Variants in LARGE1 observed in about 807,000 individuals in gnomAD.
LARGE1 encodes the protein xylosyl- and glucuronyltransferase LARGE1.
A neutral mutation model predicts 87.6 loss-of-function variants in LARGE1; 43 were observed. That is an observed-to-expected ratio of 0.49 (90% CI 0.38 to 0.63). LARGE1 has a LOEUF of 0.63. Ranked by LOEUF, LARGE1 falls within the 30% of genes least tolerant of loss-of-function variation. The pLI, the probability that LARGE1 is intolerant of heterozygous loss-of-function variation, is 0.00. For synonymous variants in LARGE1, 434 were observed against 394.6 expected, an observed-to-expected ratio of 1.10 and a Z score of -1.18; for missense variants, 802 against 1,000.2, an observed-to-expected ratio of 0.80 and a Z score of 2.67.
At chr22:33,338,917 G>A (rs2146589307) in intron 9 of LARGE1, among the ~76,000 whole-genome samples, 1 of 152,286 alleles carries the variant, frequency 6.6e-6, no homozygotes, top group African/African-American at 2.4e-5. Context: ...GGAGGCTGAG[G>A]TGGGCAGATC....
the LARGE1 span, among the ~76,000 whole-genome samples, chr22:33,102,889 T>A: frequency 6.6e-6 from 1 of 152,098 alleles, no homozygotes; most frequent in Non-Finnish European, 1.5e-5. Context: ...TGTGTCTGGG[T>A]GGAAATCTGC....
intron 1 of LARGE1, among the ~76,000 whole-genome samples, chr22:33,818,540 A>G (rs1373608550): frequency 6.6e-6 from 1 of 152,146 alleles, no homozygotes. Flanking sequence ...CCCTGAGAAG[A>G]GCCCTAGAAA....
intron 11 of LARGE1, among the ~76,000 whole-genome samples, chr22:33,230,755 G>C (rs1389948900): frequency 6.6e-6 from 1 of 152,150 alleles, no homozygotes; most frequent in East Asian, 1.9e-4. Context: ...ATCTCAAAGA[G>C]CTTATAAATA....
chr22:33,100,271 C>G, the LARGE1 span, among the ~76,000 whole-genome samples: 1 of 149,336 alleles, frequency 6.7e-6, no homozygotes, highest in South Asian at 2.1e-4. Flanking sequence ...TCGCTTGAAC[C>G]CAGGAGGCAG....
At chr22:33,657,712 G>T (rs151225625) in intron 2 of LARGE1, among the ~76,000 whole-genome samples, 2 of 152,154 alleles carry the variant, frequency 1.3e-5, no homozygotes, top group Non-Finnish European at 2.9e-5. Context: ...CAGCTCACTC[G>T]CAGGTGCCAC....
intron 6 of LARGE1, among the ~76,000 whole-genome samples, chr22:33,435,780 G>T (rs1231341757): frequency 6.6e-6 from 1 of 152,112 alleles, no homozygotes; most frequent in Non-Finnish European, 1.5e-5. Flanking sequence ...TTGTACCTGG[G>T]CTGCATTGCT....
chr22:33,558,184 T>G (rs548740588), intron 6 of LARGE1, among the ~76,000 whole-genome samples: 2 of 152,324 alleles, frequency 1.3e-5, no homozygotes, highest in African/African-American at 4.8e-5. Context: ...GGGGGCACAC[T>G]GGGCCAGCCA....
intron 1 of LARGE1, among the ~76,000 whole-genome samples, chr22:33,839,940 C>T (rs2063227103): frequency 6.6e-6 from 1 of 152,132 alleles, no homozygotes; most frequent in Admixed American, 6.5e-5. Flanking sequence ...CAGATGCATT[C>T]AACCCTAAAG....
chr22:33,155,597 C>T, the LARGE1 span, among the ~76,000 whole-genome samples: 21 of 152,146 alleles, frequency 1.4e-4, no homozygotes, highest in East Asian at 2.9e-3. Context: ...AAAGGCATTC[C>T]GTTTTAAAAG....
At chr22:33,130,699 C>T in the LARGE1 span, among the ~76,000 whole-genome samples, 5 of 152,212 alleles carry the variant, frequency 3.3e-5, no homozygotes, top group Non-Finnish European at 5.9e-5. Flanking sequence ...TTGAACTATT[C>T]ACCTCAACAC....
chr22:33,111,447 C>G, the LARGE1 span, among the ~76,000 whole-genome samples: 1 of 152,144 alleles, frequency 6.6e-6, no homozygotes, highest in Admixed American at 6.6e-5. Flanking sequence ...GGAAAAGACC[C>G]TAATTTGGAA....
intron 1 of LARGE1, among the ~76,000 whole-genome samples, chr22:33,915,456 G>C (rs2065759560): frequency 6.6e-6 from 1 of 150,974 alleles, no homozygotes; most frequent in Non-Finnish European, 1.5e-5. Context: ...TATATCATTT[G>C]TCAAGTAACA....
chr22:33,671,384 G>T (rs1405448062), intron 2 of LARGE1, among the ~76,000 whole-genome samples: 1 of 152,170 alleles, frequency 6.6e-6, no homozygotes, highest in African/African-American at 2.4e-5. Flanking sequence ...CTGAACCAAA[G>T]TAAATACTAT....
intron 1 of LARGE1, among the ~76,000 whole-genome samples, chr22:33,893,785 G>A (rs1044114593): frequency 2.0e-5 from 3 of 152,124 alleles, no homozygotes; most frequent in Non-Finnish European, 4.4e-5. Flanking sequence ...GCGGTATTCA[G>A]GTATCATGGG....
chr22:33,642,255 A>T (rs190103966), intron 3 of LARGE1, among the ~76,000 whole-genome samples: 1 of 152,358 alleles, frequency 6.6e-6, no homozygotes, highest in African/African-American at 2.4e-5. Flanking sequence ...AGAATTTTCA[A>T]ACCAGAATTT....
intron 7 of LARGE1, among the ~76,000 whole-genome samples, chr22:33,426,562 A>C (rs1165212858): frequency 1.3e-5 from 2 of 152,220 alleles, no homozygotes; most frequent in East Asian, 3.9e-4. Flanking sequence ...ATCCCACTAA[A>C]GCTATTTAAC....
intron 9 of LARGE1, among the ~76,000 whole-genome samples, chr22:33,339,605 G>A (rs1368330707): frequency 2.0e-5 from 3 of 152,014 alleles, no homozygotes; most frequent in Non-Finnish European, 2.9e-5. Context: ...ACTTCCAGCC[G>A]AGACAGAAGG....
At chr22:33,416,906 C>CT (rs35018256) in intron 7 of LARGE1, among the ~76,000 whole-genome samples, 39,340 of 89,948 alleles carry the variant, frequency 0.44, 9,933 homozygotes, top group Non-Finnish European at 0.47. Context: ...CACGCCCGGA[C>CT]TTTTTTTTTT....
rs374112954 is a variant in LARGE1, at chr22:33,858,156, C to T, written c.-83+61839G>A. On this transcript the variant is annotated intron_variant, in intron 1 of 14. Coordinates refer to ENST00000397394, the MANE Select transcript of LARGE1 (RefSeq NM_133642.5). Reference sequence around the variant, plus strand: ...AACTCGATTAGGATGAACCCAGGCACGTAGCTGTGCAGGAACAACGGCAAG... The same window carrying T: ...AACTCGATTAGGATGAACCCAGGCATGTAGCTGTGCAGGAACAACGGCAAG... Among the ~76,000 whole-genome samples the T allele has an allele frequency of 3.8e-4, 58 of 152,280 alleles. No homozygotes were observed. The East Asian group carries it at 7.5e-3, about 20-fold the overall frequency.
Sources: gnomAD v4.1 joint callset for allele counts (sites outside exome capture counted in the v4.1 genomes callset) on GRCh38, gnomAD v4.1.1 for gene constraint, MANE v1.5 for transcripts, NCBI Gene and HGNC (gene_info 2026-07-23, HGNC 2026-07-21) for gene names.